The following LRP1B variants were observed in gnomAD, a reference collection of about 807,000 sequenced individuals.
LRP1B encodes LDL receptor related protein 1B.
LRP1B carries 217 observed loss-of-function variants against 556.6 expected under a neutral mutation model. The ratio of observed to expected loss-of-function variants is 0.39; its 90% CI spans 0.35 to 0.44. The LOEUF is 0.44. LRP1B is among the 20% of genes least tolerant of loss of function. LRP1B has a pLI of 1.00. For synonymous variants in LRP1B, 2,047 were observed against 1,865.8 expected (o/e 1.10, Z -2.50); for missense variants, 5,053 against 5,620.8 (o/e 0.90, Z 3.23).
intron 2 of LRP1B, among the ~76,000 whole-genome samples, chr2:141,530,446 T>C (rs1684830554): frequency 6.6e-6 from 1 of 152,116 alleles, no homozygotes; most frequent in African/African-American, 2.4e-5. Flanking sequence ...ATTGCTTACT[T>C]GAATATGTAT....
intron 3 of LRP1B, among the ~76,000 whole-genome samples, chr2:141,290,769 G>A (rs1685911471): frequency 6.6e-6 from 1 of 151,930 alleles, no homozygotes; most frequent in Non-Finnish European, 1.5e-5. Context: ...TTTTATTTTG[G>A]GAATAAATAA....
At chr2:140,824,845 C>A (rs1176638230) in intron 31 of LRP1B, among the ~76,000 whole-genome samples, 1 of 152,064 alleles carries the variant, frequency 6.6e-6, no homozygotes, top group Non-Finnish European at 1.5e-5. Flanking sequence ...ATCAATAAAT[C>A]TTAGGTTTAG....
chr2:141,549,793 G>A (rs62169791), intron 2 of LRP1B, among the ~76,000 whole-genome samples: 30,525 of 152,034 alleles, frequency 0.2, 3,284 homozygotes, highest in South Asian at 0.32. Context: ...TCAAGAGTTC[G>A]AGACCAGACT....
chr2:142,044,694 T>A (rs1398877227), intron 1 of LRP1B, among the ~76,000 whole-genome samples: 11 of 151,804 alleles, frequency 7.2e-5, no homozygotes, highest in Non-Finnish European at 1.3e-4. Context: ...TTTCTCTTTA[T>A]GACTATTTCC....
At chr2:141,284,808 T>C (rs1441946964) in intron 3 of LRP1B, among the ~76,000 whole-genome samples, 1 of 152,234 alleles carries the variant, frequency 6.6e-6, no homozygotes, top group Non-Finnish European at 1.5e-5. Context: ...TGCTGTTTCA[T>C]TGATCTACAT....
intron 2 of LRP1B, among the ~76,000 whole-genome samples, chr2:141,481,028 G>T (rs1682901297): frequency 6.6e-6 from 1 of 152,070 alleles, no homozygotes; most frequent in Non-Finnish European, 1.5e-5. Context: ...TGTTCTTTAA[G>T]AATATGAAGA....
chr2:140,741,605 T>C (rs372798644), intron 35 of LRP1B, among the ~76,000 whole-genome samples: 9 of 152,216 alleles, frequency 5.9e-5, no homozygotes, highest in Non-Finnish European at 1.3e-4. Flanking sequence ...TAGTATCCAA[T>C]AGGTAGATTT....
At chr2:141,505,156 G>C (rs927549886) in intron 2 of LRP1B, among the ~76,000 whole-genome samples, 9 of 151,220 alleles carry the variant, frequency 6.0e-5, no homozygotes, top group Non-Finnish European at 8.9e-5. Context: ...TTTAGGTAAA[G>C]TCATTTCTAT....
intron 1 of LRP1B, among the ~76,000 whole-genome samples, chr2:142,128,855 T>C (rs978008799): frequency 1.3e-5 from 2 of 152,342 alleles, no homozygotes; most frequent in Non-Finnish European, 1.5e-5. Context: ...AGTTATTTAA[T>C]ATTCTATCTC....
chr2:140,433,483 T>C (rs1167831466), intron 66 of LRP1B, among the ~76,000 whole-genome samples: 1 of 152,214 alleles, frequency 6.6e-6, no homozygotes. Context: ...AGTTCTGATA[T>C]GGAATTTTCA....
intron 15 of LRP1B, among the ~76,000 whole-genome samples, chr2:141,003,623 G>A (rs1272491449): frequency 6.6e-6 from 1 of 152,050 alleles, no homozygotes; most frequent in Non-Finnish European, 1.5e-5. Flanking sequence ...CATGTAAGAT[G>A]TGACTTGCTC....
chr2:140,831,650 A>G (rs1225141432), intron 31 of LRP1B, among the ~76,000 whole-genome samples: 1 of 152,218 alleles, frequency 6.6e-6, no homozygotes, highest in Non-Finnish European at 1.5e-5. Context: ...AGCACAGGCA[A>G]CAAAAGCAAA....
chr2:140,960,991 C>G lies in LRP1B; in HGVS notation c.2888-9051G>C, dbSNP rs559044666. On this transcript the variant is annotated intron_variant, in intron 18 of 90. Coordinates refer to ENST00000389484, the MANE Select transcript of LRP1B (RefSeq NM_018557.3). ...AAGAACAAAGGAGAGGGTAGTACTACTAACTAATAAAGAAGTTGTAGTTAA... is the reference window on the plus strand; with the variant it reads ...AAGAACAAAGGAGAGGGTAGTACTAGTAACTAATAAAGAAGTTGTAGTTAA... 1.3e-4 allele frequency among the ~76,000 whole-genome samples: 20 copies of G among 151,962 alleles called. No individual in the cohort carries two copies. In the South Asian group the frequency reaches 3.9e-3, roughly 30 times the overall value.
chr2:141,632,199 C>G lies in LRP1B; in HGVS notation c.206-151666G>C, dbSNP rs1257877590. Among the ~76,000 whole-genome samples, 9 of 152,206 alleles carry G rather than the reference C, an allele frequency of 5.9e-5. No individual in the cohort carries two copies. In the East Asian group the frequency reaches 1.7e-3, roughly 29 times the overall value. ...TCGGCCTCCCAAAGTGCTGGGGTAA[C>G]AGGCATGATTGTATACATTTTAAAA... On this transcript the variant is annotated intron_variant, in intron 2 of 90. Transcript: ENST00000389484.
chr2:140,867,960 AT>A (rs1693002489), intron 26 of LRP1B, 126 bp from the exon 27 acceptor site: 17 of 1,292,402 alleles, frequency 1.3e-5, no homozygotes, highest in Non-Finnish European at 1.6e-5. Context: ...TCTGTATCTG[AT>A]TTGGGGCAAG....
chr2:140,279,874 C>T (rs1390843280), intron 84 of LRP1B, among the ~76,000 whole-genome samples: 5 of 151,612 alleles, frequency 3.3e-5, no homozygotes, highest in African/African-American at 7.3e-5. Flanking sequence ...CTTTAAGCAC[C>T]AAAAATACTT....
At chr2:141,757,258 T>A (rs766144306) in intron 2 of LRP1B, among the ~76,000 whole-genome samples, 41 of 152,110 alleles carry the variant, frequency 2.7e-4, no homozygotes, top group Admixed American at 5.9e-4. Flanking sequence ...CACTTACAAG[T>A]CATTGGTAAT....
intron 3 of LRP1B, among the ~76,000 whole-genome samples, chr2:141,346,136 G>GT (rs1269123694): frequency 7.3e-5 from 11 of 150,976 alleles, no homozygotes; most frequent in South Asian, 4.2e-4. Context: ...TTTCTTCCAT[G>GT]TTTTGTTTGT....
chr2:141,790,480 T>C lies in LRP1B; in HGVS notation c.205+19799A>G, dbSNP rs187506933. ...TGCTGTGGGGTGGAGGGTAGGTAGG[T>C]GGCAACTGTTCAGGTGCCCTCATTT... On this transcript the variant is annotated intron_variant, in intron 2 of 90. Transcript: ENST00000389484. 2.7e-3 allele frequency among the ~76,000 whole-genome samples: 413 copies of C among 152,038 alleles called. 1 individual carries two copies. The highest frequency in any genetic ancestry group is 4.7e-3 in the Non-Finnish European group (317 of 67,930).
Sources: gnomAD v4.1 joint callset for allele counts (sites outside exome capture counted in the v4.1 genomes callset) on GRCh38, gnomAD v4.1.1 for gene constraint, MANE v1.5 for transcripts, NCBI Gene and HGNC (gene_info 2026-07-23, HGNC 2026-07-21) for gene names.